Variants in FBLIM1 observed in about 807,000 individuals in gnomAD.
FBLIM1 encodes filamin binding LIM protein 1.
Under a neutral mutation model 37.4 loss-of-function variants are expected in FBLIM1, and 29 were observed. The ratio of observed to expected loss-of-function variants is 0.77; its 90% confidence interval spans 0.58 to 1.06. FBLIM1 has a LOEUF of 1.06. FBLIM1 is among the 50% of genes least tolerant of loss of function. FBLIM1 has a pLI of 0.00. For synonymous variants in FBLIM1, 193 were observed against 199.0 expected, an observed-to-expected ratio of 0.97 and a Z score of 0.25; for missense variants, 449 against 505.6, an observed-to-expected ratio of 0.89 and a Z score of 1.07.
chr1:15,772,243 C>G (rs1384886037), intron 6 of FBLIM1, among the ~76,000 whole-genome samples: 1 of 152,178 alleles, frequency 6.6e-6, no homozygotes, highest in African/African-American at 2.4e-5. Flanking sequence ...CAGAAGAATC[C>G]AAACAATCCA....
chr1:15,767,867 A>G (rs1191318337), intron 4 of FBLIM1, among the ~76,000 whole-genome samples: 1 of 152,112 alleles, frequency 6.6e-6, no homozygotes, highest in East Asian at 1.9e-4. Context: ...TAGGCTGCAT[A>G]GGAAACCTGG....
Position 15,764,568 on chromosome 1 carries a change from T to G in FBLIM1, c.-138T>G, listed in dbSNP as rs1569736230. 1.1e-5 allele frequency: 2 copies of G among 177,334 alleles called. No individual in the cohort carries two copies. Among genetic ancestry groups the G allele is most frequent in the Non-Finnish European group, 2.3e-5 (2 of 85,172 alleles). 11.0% of individuals were successfully genotyped at this position (177,334 alleles called of 1,614,324 possible). ...CCCAGGTGAGGGAGGTCACTTGGGG[T>G]GTGGCCCAGCAGGCAGGCGGGACTC... On this transcript the variant is annotated 5_prime_UTR_variant, in exon 2 of 9. Coordinates refer to ENST00000375766, the MANE Select transcript of FBLIM1 (RefSeq NM_017556.4).
intron 8 of FBLIM1, among the ~76,000 whole-genome samples, chr1:15,781,519 T>G (rs1215565982): frequency 2.7e-5 from 1 of 37,070 alleles, no homozygotes; most frequent in Non-Finnish European, 5.3e-5. Context: ...AGACTCTGTC[T>G]CAAAAAAAAA....
chr1:15,759,121 G>C (rs1219026181), intron 1 of FBLIM1, among the ~76,000 whole-genome samples: 1 of 151,956 alleles, frequency 6.6e-6, no homozygotes, highest in Non-Finnish European at 1.5e-5. Flanking sequence ...GCCCGGGAGC[G>C]GGAGCCGGGG....
chr1:15,756,649 C>G (rs1193918947), upstream of FBLIM1: 5 of 152,306 alleles, frequency 3.3e-5, no homozygotes, highest in Non-Finnish European at 7.3e-5. Context: ...ACATCGACAC[C>G]CGAGCTGCTG....
chr1:15,767,347 G>A, intron 3 of FBLIM1, 29 bp from the exon 4 acceptor site: 1 of 1,535,360 alleles, frequency 6.5e-7, no homozygotes, highest in Non-Finnish European at 8.7e-7. Flanking sequence ...GGGAGGCTCT[G>A]ACCAGCCCTC....
intron 7 of FBLIM1, chr1:15,776,941 A>G (rs2069511108): frequency 1.9e-6 from 1 of 518,228 alleles, no homozygotes; most frequent in South Asian, 3.9e-5. Context: ...GCCCCACTGA[A>G]CACAGTTCTC....
intron 6 of FBLIM1, among the ~76,000 whole-genome samples, chr1:15,774,201 T>A (rs1214552648): frequency 3.3e-5 from 5 of 152,154 alleles, no homozygotes; most frequent in African/African-American, 1.2e-4. Context: ...AATGTGGAAT[T>A]TGGCTCTGAG....
At chr1:15,770,940 T>TC (rs1491269728) in intron 6 of FBLIM1, among the ~76,000 whole-genome samples, 2 of 150,634 alleles carry the variant, frequency 1.3e-5, no homozygotes, top group Admixed American at 6.6e-5. Context: ...TTCTTCTTCT[T>TC]CTTTTTTTTT....
chr1:15,776,602 C>T (rs1459753393), intron 7 of FBLIM1, among the ~76,000 whole-genome samples: 3 of 152,104 alleles, frequency 2.0e-5, no homozygotes, highest in Non-Finnish European at 4.4e-5. Flanking sequence ...CAGTGGCTCA[C>T]GCCTGTAATC....
In FBLIM1 at chr1:15,773,529, A is replaced by C. The variant is rs193247732; in HGVS notation, c.712-1089A>C. Among the ~76,000 whole-genome samples the C allele has an allele frequency of 1.3e-3, 200 of 151,344 alleles. 3 individuals are homozygous for C. The highest frequency in any genetic ancestry group is 2.4e-4 in the Non-Finnish European group (16 of 67,862). On this transcript the variant is annotated intron_variant, in intron 6 of 8. Transcript: ENST00000375766. Reference sequence around the variant, plus strand: ...CCCCGTCTCTACTAAAAATACAAAAAATTAGCCGGATGTGGTGGCGCATGC... The same window carrying C: ...CCCCGTCTCTACTAAAAATACAAAACATTAGCCGGATGTGGTGGCGCATGC...
At chr1:15,772,305 C>A (rs72879002) in intron 6 of FBLIM1, among the ~76,000 whole-genome samples, 1,651 of 152,252 alleles carry the variant, frequency 0.011, 34 homozygotes, top group African/African-American at 0.038. Flanking sequence ...GGAGCCAGGC[C>A]CTCCCTGCCG....
At chr1:15,759,126 C>A (rs1455728015) in intron 1 of FBLIM1, among the ~76,000 whole-genome samples, 1 of 151,904 alleles carries the variant, frequency 6.6e-6, no homozygotes, top group East Asian at 2.0e-4. Flanking sequence ...GGAGCGGGAG[C>A]CGGGGACCCG....
intron 1 of FBLIM1, among the ~76,000 whole-genome samples, chr1:15,759,337 C>T (rs2068554445): frequency 6.6e-6 from 1 of 152,176 alleles, no homozygotes; most frequent in Admixed American, 6.5e-5. Flanking sequence ...GGTCCCGGGG[C>T]TGCTCCTCTC....
intron 7 of FBLIM1, among the ~76,000 whole-genome samples, chr1:15,776,087 G>C (rs2069477132): frequency 6.6e-6 from 1 of 152,094 alleles, no homozygotes; most frequent in African/African-American, 2.4e-5. Context: ...TGGGAGTGAT[G>C]AGCCCAGCAG....
At chr1:15,774,063 G>C (rs1305703137) in intron 6 of FBLIM1, among the ~76,000 whole-genome samples, 1 of 152,126 alleles carries the variant, frequency 6.6e-6, no homozygotes, top group African/African-American at 2.4e-5. Context: ...TGAACCTCAA[G>C]TAGAGGATGC....
At chr1:15,777,134 TG>T in intron 7 of FBLIM1, 35 bp from the exon 8 acceptor site, 2 of 1,537,568 alleles carry the variant, frequency 1.3e-6, no homozygotes, top group Non-Finnish European at 1.8e-6. Context: ...GGTTGTGGCA[TG>T]AACGCCTCCC....
chr1:15,756,984 A>C (rs2068455611), upstream of FBLIM1, among the ~76,000 whole-genome samples: 2 of 152,234 alleles, frequency 1.3e-5, no homozygotes, highest in South Asian at 4.1e-4. Flanking sequence ...TTCTACAGCC[A>C]AAAGCGCCTG....
rs1243184575 is a variant in FBLIM1, at chr1:15,758,830, CG to C, written c.-225del. 1 of 88,534 alleles carries C rather than the reference CG, an allele frequency of 1.1e-5. No individual in the cohort carries two copies. The highest frequency in any genetic ancestry group is 2.1e-5 in the Non-Finnish European group (1 of 47,092). The allele number at this position is 88,534 out of a possible 1,614,324, so 5.5% of individuals were successfully genotyped here. Reference sequence around the variant, plus strand: ...GGCTCGGGCGTCGGATCGGAGCCGCCGGGGCGCGGGCGGCCCAGGTAAGCGG... The same window carrying C: ...GGCTCGGGCGTCGGATCGGAGCCGCCGGGCGCGGGCGGCCCAGGTAAGCGG... On this transcript the variant is annotated 5_prime_UTR_variant, in exon 1 of 9. Transcript: ENST00000375766. The surrounding 1 kb of genome is among the most constrained non-coding windows in gnomAD (Gnocchi z 6.2).
Sources: gnomAD v4.1 joint callset for allele counts (sites outside exome capture counted in the v4.1 genomes callset) on GRCh38, gnomAD v4.1.1 for gene constraint, Gnocchi (gnomAD v3.1) non-coding constraint, MANE v1.5 for transcripts, NCBI Gene and HGNC (gene_info 2026-07-23, HGNC 2026-07-21) for gene names.